Variants in SLIT2 observed in about 807,000 individuals in gnomAD.
SLIT2 encodes slit homolog 2 protein.
In SLIT2, 41 loss-of-function variants were observed where a neutral mutation model predicts 185.7. That is an observed-to-expected ratio of 0.22 (90% CI 0.17 to 0.29). The LOEUF is 0.29. SLIT2 is among the 10% of genes least tolerant of loss of function. The probability of loss-of-function intolerance (pLI) is 1.00; values close to 1 mark genes in which losing one functional copy is unlikely to be tolerated. For missense variants in SLIT2, 1,571 were observed against 1,909.0 expected (o/e 0.82, Z 3.30); for synonymous variants, 693 against 680.2 (o/e 1.02, Z -0.29).
intron 4 of SLIT2, among the ~76,000 whole-genome samples, chr4:20,388,506 G>T (rs1269561768): frequency 1.3e-5 from 2 of 152,128 alleles, no homozygotes; most frequent in East Asian, 3.9e-4. Flanking sequence ...AGGCATGGTG[G>T]CTCATGCCTG....
chr4:20,573,303 C>A (rs1375534067), intron 29 of SLIT2: 1 of 702,862 alleles, frequency 1.4e-6, no homozygotes, highest in Non-Finnish European at 2.6e-6. Flanking sequence ...ATTTTAGTCT[C>A]CCTCTTTCTT....
chr4:20,595,354 A>G (rs1013741362), intron 30 of SLIT2, among the ~76,000 whole-genome samples: 7 of 152,134 alleles, frequency 4.6e-5, no homozygotes, highest in African/African-American at 1.7e-4. Context: ...AACTGAAAAT[A>G]TAGGGCACTG....
At chr4:20,610,613 T>C (rs962695502) in intron 34 of SLIT2, among the ~76,000 whole-genome samples, 1 of 152,178 alleles carries the variant, frequency 6.6e-6, no homozygotes, top group Non-Finnish European at 1.5e-5. Context: ...ATCAGCTCAG[T>C]CAAATGTTAC....
At chr4:20,328,600 A>T (rs138785848) in intron 4 of SLIT2, among the ~76,000 whole-genome samples, 3 of 152,166 alleles carry the variant, frequency 2.0e-5, no homozygotes, top group Non-Finnish European at 4.4e-5. Flanking sequence ...GAAAAAAAAA[A>T]TTATATTTGA....
At chr4:20,275,102 G>A (rs1377048127) in intron 4 of SLIT2, among the ~76,000 whole-genome samples, 5 of 152,062 alleles carry the variant, frequency 3.3e-5, no homozygotes, top group African/African-American at 1.2e-4. Flanking sequence ...ACAATCTCAA[G>A]GTTACAATTT....
intron 4 of SLIT2, among the ~76,000 whole-genome samples, chr4:20,363,679 A>G (rs1419347094): frequency 6.6e-6 from 1 of 152,170 alleles, no homozygotes; most frequent in East Asian, 1.9e-4. Context: ...AGGAAGAAAC[A>G]CACTTCCTAT....
chr4:20,368,343 T>TA lies in SLIT2; in HGVS notation c.396-99400dup, dbSNP rs571266039. 9.8e-4 allele frequency among the ~76,000 whole-genome samples: 146 copies of TA among 149,014 alleles called. 4 individuals carry two copies. The South Asian group carries it at 0.025, about 26-fold the overall frequency. On this transcript the variant is annotated intron_variant, in intron 4 of 36. Transcript: ENST00000504154. Reference sequence around the variant, plus strand: ...AAGAAAGTATAATAATAATAAAATTTAAAAAAAAAGATTAACAGAAAACAA... The same window carrying TA: ...AAGAAAGTATAATAATAATAAAATTTAAAAAAAAAAGATTAACAGAAAACAA...
At chr4:20,544,556 A>G (rs1723089676) in intron 21 of SLIT2, among the ~76,000 whole-genome samples, 1 of 152,128 alleles carries the variant, frequency 6.6e-6, no homozygotes. Context: ...TCTGTTTTGA[A>G]TTCAAGTTTT....
chr4:20,395,283 A>G (rs1298054262), intron 4 of SLIT2, among the ~76,000 whole-genome samples: 1 of 152,028 alleles, frequency 6.6e-6, no homozygotes, highest in Non-Finnish European at 1.5e-5. Flanking sequence ...ATAAGGAGGA[A>G]TACACACAGA....
At chr4:20,434,252 C>T (rs1264774296) in intron 4 of SLIT2, among the ~76,000 whole-genome samples, 3 of 152,050 alleles carry the variant, frequency 2.0e-5, no homozygotes, top group Admixed American at 6.6e-5. Flanking sequence ...CTTTGGGAGG[C>T]CAAGGCCAGC....
intron 4 of SLIT2, among the ~76,000 whole-genome samples, chr4:20,336,735 G>GCAT (rs772110006): frequency 7.2e-5 from 11 of 152,126 alleles, no homozygotes; most frequent in Non-Finnish European, 1.0e-4. Flanking sequence ...TACAGTGAAG[G>GCAT]CATAGACACA....
At chr4:20,447,406 A>G (rs1390598329) in intron 4 of SLIT2, among the ~76,000 whole-genome samples, 2 of 152,172 alleles carry the variant, frequency 1.3e-5, no homozygotes, top group Non-Finnish European at 2.9e-5. Flanking sequence ...GTTGTGAGGG[A>G]CGCCCTGAGT....
intron 11 of SLIT2, among the ~76,000 whole-genome samples, chr4:20,516,629 T>C (rs765646861): frequency 1.6e-4 from 24 of 152,280 alleles, no homozygotes; most frequent in Middle Eastern, 3.4e-3. Context: ...ATTTTGGCCC[T>C]ATTTCCTGGG....
In SLIT2 at chr4:20,332,585, G is replaced by T. The variant is rs1485876457; in HGVS notation, c.395+63704G>T. On this transcript the variant is annotated intron_variant, in intron 4 of 36. Coordinates refer to ENST00000504154, the MANE Select transcript of SLIT2 (RefSeq NM_004787.4). ...TAATTCCACCTATTTGGGAGACTGA[G>T]GCGGGAGAATTGCTTGAAACCTGAG... Among the ~76,000 whole-genome samples, 5 of 152,172 alleles carry T rather than the reference G, an allele frequency of 3.3e-5. No individual in the cohort carries two copies. The East Asian group carries it at 9.7e-4, about 29-fold the overall frequency.
intron 4 of SLIT2, among the ~76,000 whole-genome samples, chr4:20,317,849 G>T (rs1014417605): frequency 1.1e-4 from 16 of 152,018 alleles, no homozygotes; most frequent in African/African-American, 3.4e-4. Flanking sequence ...AATACTGAGA[G>T]AATCCTAAAG....
At chr4:20,265,553 C>T (rs1013587787) in intron 3 of SLIT2, among the ~76,000 whole-genome samples, 2 of 151,796 alleles carry the variant, frequency 1.3e-5, no homozygotes, top group South Asian at 2.1e-4. Flanking sequence ...AAAACAGAAA[C>T]GTATCTGGTG....
At chr4:20,588,612 A>G (rs1727260076) in intron 29 of SLIT2, among the ~76,000 whole-genome samples, 2 of 152,234 alleles carry the variant, frequency 1.3e-5, no homozygotes, top group African/African-American at 4.8e-5. Context: ...TGTATTATGT[A>G]AGTTAATATA....
chr4:20,295,912 A>G (rs908711593), intron 4 of SLIT2, among the ~76,000 whole-genome samples: 13 of 152,360 alleles, frequency 8.5e-5, no homozygotes, highest in Middle Eastern at 3.4e-3. Context: ...TGCTCAAATT[A>G]ACATGTTCTT....
At chr4:20,592,705 C>A (rs1727606534) in intron 30 of SLIT2, among the ~76,000 whole-genome samples, 1 of 152,034 alleles carries the variant, frequency 6.6e-6, no homozygotes, top group Non-Finnish European at 1.5e-5. Flanking sequence ...TAATGCTTGG[C>A]ACTTCAACAG....
Sources: gnomAD v4.1 joint callset for allele counts (sites outside exome capture counted in the v4.1 genomes callset) on GRCh38, gnomAD v4.1.1 for gene constraint, MANE v1.5 for transcripts, NCBI Gene and HGNC (gene_info 2026-07-23, HGNC 2026-07-21) for gene names.